The following PTPRN2 variants were observed in gnomAD, a reference collection of about 807,000 sequenced individuals.
The protein encoded by PTPRN2 is protein tyrosine phosphatase receptor type N2, also known as receptor-type tyrosine-protein phosphatase N2.
In PTPRN2, 74 loss-of-function variants were observed where a neutral mutation model predicts 118.8. The observed-to-expected ratio is 0.62, with a 90% CI of 0.52 to 0.76. The LOEUF is 0.76. Ranked by LOEUF, PTPRN2 falls within the 30% of genes least tolerant of loss-of-function variation. The pLI, the probability that PTPRN2 is intolerant of heterozygous loss-of-function variation, is 0.00. For synonymous variants in PTPRN2, 641 were observed against 608.0 expected, an observed-to-expected ratio of 1.05 and a Z score of -0.80; for missense variants, 1,481 against 1,394.4, an observed-to-expected ratio of 1.06 and a Z score of -0.99.
chr7:157,975,898 T>A (rs531060216), intron 11 of PTPRN2, among the ~76,000 whole-genome samples: 2 of 152,232 alleles, frequency 1.3e-5, no homozygotes, highest in Middle Eastern at 3.4e-3. Flanking sequence ...CTGAGCCTGG[T>A]CCAAGGACAG....
At chr7:158,068,559 G>A (rs371335654) in intron 11 of PTPRN2, among the ~76,000 whole-genome samples, 1 of 152,296 alleles carries the variant, frequency 6.6e-6, no homozygotes, top group East Asian at 1.9e-4. Flanking sequence ...ATCAAACCCC[G>A]CAAACCACTG....
intron 2 of PTPRN2, among the ~76,000 whole-genome samples, chr7:158,352,933 C>A (rs1350581877): frequency 6.6e-6 from 1 of 152,236 alleles, no homozygotes; most frequent in East Asian, 1.9e-4. Context: ...AGGGCCTGCA[C>A]CAGGCCACCC....
chr7:158,056,596 G>A (rs1040643854), intron 11 of PTPRN2, among the ~76,000 whole-genome samples: 2 of 152,214 alleles, frequency 1.3e-5, no homozygotes, highest in African/African-American at 2.4e-5. Flanking sequence ...ACCAGCCACA[G>A]CAGACCCGTT....
rs748297286 is a variant in PTPRN2, at chr7:157,576,732, C to G, written c.2664G>C (p.Arg888Ser). The G allele has an allele frequency of 1.2e-6, 2 of 1,609,292 alleles. No homozygotes were observed. Among genetic ancestry groups the G allele is most frequent in the Non-Finnish European group, 1.7e-6 (2 of 1,177,696 alleles). Residue 888 changes from arginine (R) to serine (S), a missense_variant, in exon 19 of 23, where the codon AGG becomes AGC. By Grantham distance (110) the Arg-to-Ser change is moderately radical. This residue lies in a region of PTPRN2 where 362 missense variants were observed against 384.1 expected (regional missense o/e 0.94). Coordinates refer to ENST00000389418, the MANE Select transcript of PTPRN2 (RefSeq NM_002847.5). The stretch of plus-strand genomic sequence containing the variant: ...TCTGCAGGTTCTTCAGATAGAAGCT[C>G]CTCACCAGGAAGTCCTCACACCAGA... ...EHIWCEDFLV[R>S]SFYLKNLQTN... is the part of the protein sequence containing the mutation.
intron 12 of PTPRN2, among the ~76,000 whole-genome samples, chr7:157,773,909 C>A (rs1803036345): frequency 6.6e-6 from 1 of 152,232 alleles, no homozygotes. Context: ...TCCTAAGTGT[C>A]ATACAGAGCA....
chr7:158,132,309 TAC>T (rs959952920), intron 9 of PTPRN2, among the ~76,000 whole-genome samples: 1 of 141,894 alleles, frequency 7.0e-6, no homozygotes, highest in Non-Finnish European at 1.5e-5. Context: ...CTACCCGACA[TAC>T]ACACTCATAC....
intron 11 of PTPRN2, among the ~76,000 whole-genome samples, chr7:157,967,481 C>T (rs562603537): frequency 3.1e-4 from 47 of 152,218 alleles, no homozygotes; most frequent in African/African-American, 1.1e-3. Context: ...ATCTCATTTA[C>T]GTGGCTGGGA....
At chr7:158,106,290 CT>C (rs1487686488) in intron 10 of PTPRN2, among the ~76,000 whole-genome samples, 1 of 152,132 alleles carries the variant, frequency 6.6e-6, no homozygotes, top group Non-Finnish European at 1.5e-5. Flanking sequence ...CATTTTTATC[CT>C]TATTCCTTAC....
chr7:158,026,763 G>GTACA (rs1171542260), intron 11 of PTPRN2, among the ~76,000 whole-genome samples: 1 of 152,116 alleles, frequency 6.6e-6, no homozygotes, highest in Admixed American at 6.5e-5. Context: ...ACAGGACACC[G>GTACA]GGAGGAAGGC....
Position 158,109,926 on chromosome 7 carries a change from C to T in PTPRN2, c.1643+903G>A, listed in dbSNP as rs13234370. ...GTGTGAAGAGTCAGTGAGTGAATGA[C>T]GTCACTCTGTGGGAGCCAGTGAGTG... On this transcript the variant is annotated intron_variant, in intron 10 of 22. Coordinates refer to ENST00000389418, the MANE Select transcript of PTPRN2 (RefSeq NM_002847.5). Among the ~76,000 whole-genome samples, 15 of 151,908 alleles carry T rather than the reference C, an allele frequency of 9.9e-5. No homozygotes were observed. In the East Asian group the frequency reaches 1.6e-3, roughly 16 times the overall value.
rs566215149 is a variant in PTPRN2, at chr7:158,464,659, AC to A, written c.163+25075del. ...CTTCATCGTCACCATCATCATCCTTACCATCACCATCATTGCCATGCCATTT... is the reference window on the plus strand; with the variant it reads ...CTTCATCGTCACCATCATCATCCTTACATCACCATCATTGCCATGCCATTT... On this transcript the variant is annotated intron_variant, in intron 2 of 22. Coordinates refer to ENST00000389418, the MANE Select transcript of PTPRN2 (RefSeq NM_002847.5). Among the ~76,000 whole-genome samples, 73 of 149,998 alleles carry A rather than the reference AC, an allele frequency of 4.9e-4. 1 individual carries two copies. The South Asian group carries it at 0.015, about 31-fold the overall frequency.
intron 2 of PTPRN2, among the ~76,000 whole-genome samples, chr7:158,342,811 A>G (rs71547530): frequency 0.22 from 32,698 of 152,050 alleles, 3,898 homozygotes; most frequent in Middle Eastern, 0.32. Flanking sequence ...GAGGTACGGA[A>G]ACAGGATCAA....
chr7:157,721,585 G>A (rs1368836549), intron 12 of PTPRN2, among the ~76,000 whole-genome samples: 1 of 152,236 alleles, frequency 6.6e-6, no homozygotes, highest in East Asian at 1.9e-4. Flanking sequence ...CCGATGCCCA[G>A]TGTCAGCGTC....
At chr7:158,342,086 G>T (rs1433735301) in intron 2 of PTPRN2, among the ~76,000 whole-genome samples, 1 of 129,130 alleles carries the variant, frequency 7.7e-6, no homozygotes, top group African/African-American at 3.1e-5. Context: ...CACCAGAAGG[G>T]GTGTCACCTG....
intron 2 of PTPRN2, among the ~76,000 whole-genome samples, chr7:158,470,775 C>T (rs778613269): frequency 2.6e-5 from 4 of 152,056 alleles, no homozygotes; most frequent in African/African-American, 4.8e-5. Flanking sequence ...TCTTCCCGCT[C>T]ATGTTACAGT....
chr7:158,038,535 T>C (rs191483948), intron 11 of PTPRN2, among the ~76,000 whole-genome samples: 81 of 152,044 alleles, frequency 5.3e-4, no homozygotes, highest in African/African-American at 1.9e-3. Flanking sequence ...ATAAAAAAGA[T>C]AAAAGATAAG....
chr7:157,819,462 C>A (rs1806656495), intron 12 of PTPRN2, among the ~76,000 whole-genome samples: 1 of 152,156 alleles, frequency 6.6e-6, no homozygotes, highest in Non-Finnish European at 1.5e-5. Context: ...GGGCGCCCTG[C>A]AGGCTCACAG....
chr7:158,239,301 G>A (rs1053592400), intron 3 of PTPRN2, among the ~76,000 whole-genome samples: 9 of 152,294 alleles, frequency 5.9e-5, no homozygotes, highest in East Asian at 3.9e-4. Context: ...TGGAGCAGAC[G>A]CGACCTCCAG....
intron 11 of PTPRN2, among the ~76,000 whole-genome samples, chr7:157,950,553 G>A (rs945933093): frequency 6.6e-6 from 1 of 152,048 alleles, no homozygotes; most frequent in African/African-American, 2.4e-5. Flanking sequence ...TATTTTTGTC[G>A]GTATTTGGGT....
Sources: allele counts gnomAD v4.1 joint callset (sites outside exome capture counted in the v4.1 genomes callset), GRCh38; gene constraint gnomAD v4.1.1; regional missense constraint gnomAD v4.1.1; transcripts MANE v1.5; gene names NCBI Gene and HGNC (gene_info 2026-07-23, HGNC 2026-07-21).